The following CHMP3 variants were observed in gnomAD, a reference collection of about 807,000 sequenced individuals.
CHMP3 encodes charged multivesicular body protein 3.
In CHMP3, 8 loss-of-function variants were observed where a neutral mutation model predicts 27.4. The observed-to-expected ratio is 0.29, with a 90% CI of 0.17 to 0.53. CHMP3 has a LOEUF of 0.53. Among genes scored for constraint, CHMP3 ranks in the 20% least tolerant of loss-of-function variants. The pLI is 0.96. For missense variants in CHMP3, 208 were observed against 271.5 expected, an observed-to-expected ratio of 0.77 and a Z score of 1.64; for synonymous variants, 86 against 85.5, an observed-to-expected ratio of 1.01 and a Z score of -0.03.
intron 2 of CHMP3, among the ~76,000 whole-genome samples, chr2:86,532,094 A>G (rs1675945698): frequency 6.6e-6 from 1 of 152,160 alleles, no homozygotes; most frequent in Non-Finnish European, 1.5e-5. Context: ...TGAAAATGTG[A>G]TGTCTTTCCA....
intron 1 of CHMP3, among the ~76,000 whole-genome samples, chr2:86,557,499 C>G (rs1677172105): frequency 6.6e-6 from 1 of 152,178 alleles, no homozygotes; most frequent in Non-Finnish European, 1.5e-5. Context: ...GACACACAGA[C>G]CTTTATTAAT....
chr2:86,505,936 T>C lies in CHMP3; in HGVS notation c.537A>G (p.Lys179=). 3.2e-6 allele frequency: 5 copies of C among 1,571,430 alleles called. No homozygotes were observed. The highest frequency in any genetic ancestry group is 4.3e-6 in the Non-Finnish European group (5 of 1,155,948). ...LFEITAGALG[K]APSKVTDALP... is the part of the protein sequence containing the mutation. ...GGGCATCAGTCACTTTACTGGGTGC[T>C]TTGCCCAAGGCCCCTGAAAAGAAAG... Residue 179 remains lysine, a synonymous_variant, in exon 6 of 6, where the codon AAA becomes AAG. Transcript: ENST00000263856.
At chr2:86,526,035 G>A (rs1206536859) in intron 3 of CHMP3, among the ~76,000 whole-genome samples, 1 of 152,226 alleles carries the variant, frequency 6.6e-6, no homozygotes, top group Non-Finnish European at 1.5e-5. Flanking sequence ...TTAACATTCA[G>A]AGGCCAAAGA....
chr2:86,525,584 C>T (rs1348774617), intron 3 of CHMP3, among the ~76,000 whole-genome samples: 4 of 151,586 alleles, frequency 2.6e-5, no homozygotes, highest in South Asian at 4.2e-4. Context: ...GGGATTCCCT[C>T]GGCAAGGACA....
intron 1 of CHMP3, among the ~76,000 whole-genome samples, chr2:86,549,484 C>CAA (rs1676782498): frequency 1.6e-5 from 2 of 124,042 alleles, no homozygotes; most frequent in Admixed American, 8.2e-5. Flanking sequence ...ACTTCCCAGA[C>CAA]GGGGCGGCCG....
intron 1 of CHMP3, among the ~76,000 whole-genome samples, chr2:86,549,585 C>T (rs1676790001): frequency 6.9e-6 from 1 of 145,582 alleles, no homozygotes; most frequent in African/African-American, 2.6e-5. Flanking sequence ...AGAGACGCCC[C>T]TCCCCTCCCA....
At chr2:86,526,752 T>C (rs1185940583) in intron 3 of CHMP3, among the ~76,000 whole-genome samples, 6 of 152,110 alleles carry the variant, frequency 3.9e-5, no homozygotes, top group Non-Finnish European at 7.4e-5. Context: ...TCTTGTTTTA[T>C]AGAGACAGGG....
At chr2:86,556,451 A>G (rs979358783) in intron 1 of CHMP3, among the ~76,000 whole-genome samples, 2 of 152,208 alleles carry the variant, frequency 1.3e-5, no homozygotes, top group Non-Finnish European at 2.9e-5. Flanking sequence ...GAGATCGGTC[A>G]GGGTGGTGGG....
chr2:86,542,587 C>A (rs558548738), intron 1 of CHMP3, among the ~76,000 whole-genome samples: 1 of 152,256 alleles, frequency 6.6e-6, no homozygotes, highest in African/African-American at 2.4e-5. Context: ...ACGGTACTGT[C>A]TAGGTACACA....
rs3821014 is a variant in CHMP3 at position 86,505,528 on chromosome 2, A to G, written c.*276T>C. 1.3e-4 allele frequency: 43 copies of G among 330,478 alleles called. No individual in the cohort carries two copies. The East Asian group carries it at 2.0e-3, about 15-fold the overall frequency. The allele number at this position is 330,478 out of a possible 1,614,324, so 20.5% of individuals were successfully genotyped here. A position where few individuals can be genotyped will look rare whatever the true frequency, so the allele number is the denominator to read the frequency against. On this transcript the variant is annotated 3_prime_UTR_variant, in exon 6 of 6. Transcript: ENST00000263856. ...TAGAGTCTTCGACATTCAGGCAATC[A>G]CCTATATTTTCAGAAGTGCTTCATG...
rs1208032006 is a variant in CHMP3 at position 86,505,066 on chromosome 2, G to A, written c.*738C>T. On this transcript the variant is annotated 3_prime_UTR_variant, in exon 6 of 6. Transcript: ENST00000263856. ...GTCCCACGCACAAGACAACCAGCTC[G>A]AAGCAGGGACAGGCAATGAGAGGTG... is the stretch of plus-strand genomic sequence containing the variant. 3 of 152,304 alleles carry A rather than the reference G, an allele frequency of 2.0e-5. No homozygotes were observed. The highest frequency in any genetic ancestry group is 6.6e-5 in the Admixed American group (1 of 15,260). 9.4% of individuals were successfully genotyped at this position (152,304 alleles called of 1,614,324 possible). A position where few individuals can be genotyped will look rare whatever the true frequency, so the allele number is the denominator to read the frequency against.
At chr2:86,526,942 T>A (rs1675736499) in intron 3 of CHMP3, 1 of 152,142 alleles carries the variant, frequency 6.6e-6, no homozygotes, top group South Asian at 2.1e-4. Flanking sequence ...GTATCTATAG[T>A]ATGATACCAT....
intron 3 of CHMP3, 108 bp from the exon 4 acceptor site, chr2:86,510,587 G>C (rs1018235755): frequency 6.9e-7 from 1 of 1,451,114 alleles, no homozygotes; most frequent in African/African-American, 1.4e-5. Flanking sequence ...ATGGACTCCC[G>C]AAGTTATTTG....
At chr2:86,544,497 C>G (rs901171166) in intron 1 of CHMP3, among the ~76,000 whole-genome samples, 3 of 152,014 alleles carry the variant, frequency 2.0e-5, no homozygotes, top group African/African-American at 7.3e-5. Context: ...TGAGGCCTTC[C>G]GCAGTGTTTG....
chr2:86,536,955 T>C (rs988379318), intron 2 of CHMP3, among the ~76,000 whole-genome samples: 2 of 152,072 alleles, frequency 1.3e-5, no homozygotes, highest in Non-Finnish European at 2.9e-5. Context: ...TGCAATGGCA[T>C]GATCATGGCT....
intron 1 of CHMP3, among the ~76,000 whole-genome samples, chr2:86,558,950 C>T (rs1433468122): frequency 6.6e-6 from 1 of 151,802 alleles, no homozygotes; most frequent in Non-Finnish European, 1.5e-5. Flanking sequence ...AGTGCATCAG[C>T]AGTTCTACAG....
chr2:86,539,567 A>G (rs1192005428), intron 2 of CHMP3, among the ~76,000 whole-genome samples: 1 of 152,154 alleles, frequency 6.6e-6, no homozygotes, highest in Non-Finnish European at 1.5e-5. Flanking sequence ...TGTGAGAAGA[A>G]TTATAGTAAG....
intron 1 of CHMP3, among the ~76,000 whole-genome samples, chr2:86,551,163 T>G (rs759837771): frequency 1.8e-4 from 27 of 152,228 alleles, no homozygotes; most frequent in Non-Finnish European, 7.3e-5. Flanking sequence ...AGAGATTATT[T>G]GAAACTGGTC....
chr2:86,529,102 T>A, intron 3 of CHMP3, 116 bp downstream of exon 3: 1 of 1,215,112 alleles, frequency 8.2e-7, no homozygotes, highest in South Asian at 1.9e-5. Flanking sequence ...CACTCAACAC[T>A]AAGAAAATAC....
Sources: allele counts gnomAD v4.1 joint callset (sites outside exome capture counted in the v4.1 genomes callset), GRCh38; gene constraint gnomAD v4.1.1; transcripts MANE v1.5; gene names NCBI Gene and HGNC (gene_info 2026-07-23, HGNC 2026-07-21).